UST: variants seen among roughly 807,000 people sequenced by gnomAD.
The protein encoded by UST is uronyl 2-sulfotransferase.
A neutral mutation model predicts 45.6 loss-of-function variants in UST; 21 were observed. That is an observed-to-expected ratio of 0.46 (90% CI 0.33 to 0.66). The LOEUF (loss-of-function observed/expected upper bound fraction) is 0.66. UST is among the 30% of genes least tolerant of loss of function. The pLI, the probability that UST is intolerant of heterozygous loss-of-function variation, is 0.02. For missense variants in UST, 463 were observed against 512.4 expected (o/e 0.90, Z 0.93); for synonymous variants, 215 against 200.6 (o/e 1.07, Z -0.61).
intron 1 of UST, among the ~76,000 whole-genome samples, chr6:148,776,271 T>C (rs930635328): frequency 1.3e-5 from 2 of 152,194 alleles, no homozygotes; most frequent in Admixed American, 1.3e-4. Context: ...CTGGTTCTCA[T>C]TCAGGCCCTT....
chr6:149,017,132 C>T (rs1448286465), intron 5 of UST, among the ~76,000 whole-genome samples: 1 of 152,212 alleles, frequency 6.6e-6, no homozygotes, highest in Non-Finnish European at 1.5e-5. Flanking sequence ...AATCCCAGCT[C>T]TTTGGGAGGC....
intron 2 of UST, among the ~76,000 whole-genome samples, chr6:148,935,157 T>G (rs1779995360): frequency 6.6e-6 from 1 of 152,212 alleles, no homozygotes; most frequent in Admixed American, 6.5e-5. Flanking sequence ...AGATTTCTGT[T>G]TATCTGGCAC....
Position 148,748,592 on chromosome 6 carries a change from G to T in UST, c.247+915G>T, listed in dbSNP as rs1775926541. Among the ~76,000 whole-genome samples the T allele has an allele frequency of 2.0e-5, 3 of 152,154 alleles. No homozygotes were observed. The highest frequency in any genetic ancestry group is 4.4e-5 in the Non-Finnish European group (3 of 68,032). Reference sequence around the variant, plus strand: ...GCGGGAGCCAGGGGTGCCAGGGACAGGCGAGCGCAAGCCCAGGTCGCAAGG... The same window carrying T: ...GCGGGAGCCAGGGGTGCCAGGGACATGCGAGCGCAAGCCCAGGTCGCAAGG... On this transcript the variant is annotated intron_variant, in intron 1 of 7. Coordinates refer to ENST00000367463, the MANE Select transcript of UST (RefSeq NM_005715.3). This position sits in a 1 kb window ranked among gnomAD's most constrained non-coding sequence, Gnocchi z 5.3.
chr6:148,926,868 A>G (rs1427822575), intron 2 of UST, among the ~76,000 whole-genome samples: 1 of 152,222 alleles, frequency 6.6e-6, no homozygotes, highest in Non-Finnish European at 1.5e-5. Context: ...AGTAGATATT[A>G]GGTAAGCAAC....
intron 2 of UST, among the ~76,000 whole-genome samples, chr6:148,899,149 G>T (rs1002445766): frequency 7.0e-6 from 1 of 142,336 alleles, no homozygotes. Flanking sequence ...GCCCAGGCTG[G>T]AGTGCAGTGG....
At chr6:148,988,987 A>G (rs1265336698) in intron 5 of UST, among the ~76,000 whole-genome samples, 1 of 152,158 alleles carries the variant, frequency 6.6e-6, no homozygotes, top group East Asian at 1.9e-4. Context: ...TACAGCCAGC[A>G]CCTGCTCCTT....
chr6:148,825,266 C>T (rs1247080445), intron 1 of UST, among the ~76,000 whole-genome samples: 4 of 152,044 alleles, frequency 2.6e-5, no homozygotes, highest in Admixed American at 6.6e-5. Context: ...TCTGTTATTT[C>T]GGTTGGAGGC....
chr6:148,897,157 TAC>T (rs1779146842), intron 2 of UST, among the ~76,000 whole-genome samples: 1 of 152,150 alleles, frequency 6.6e-6, no homozygotes, highest in Non-Finnish European at 1.5e-5. Flanking sequence ...ACTTTTATTT[TAC>T]TTTTAAAATT....
At chr6:148,795,973 A>G (rs559019910) in intron 1 of UST, among the ~76,000 whole-genome samples, 7 of 152,354 alleles carry the variant, frequency 4.6e-5, no homozygotes, top group African/African-American at 1.4e-4. Flanking sequence ...TTTATAGTTT[A>G]GTTAATCTTG....
At chr6:149,027,837 C>T (rs1213256232) in intron 7 of UST, 1 of 105,512 alleles carries the variant, frequency 9.5e-6, no homozygotes, top group Non-Finnish European at 1.9e-5. Flanking sequence ...TGAGTTATCC[C>T]CCCATCTTTT....
At chr6:148,786,279 G>A (rs973562672) in intron 1 of UST, among the ~76,000 whole-genome samples, 1 of 151,928 alleles carries the variant, frequency 6.6e-6, no homozygotes, top group African/African-American at 2.4e-5. Flanking sequence ...GTGCAGGTTC[G>A]TTACACAGGT....
chr6:148,946,283 G>A (rs11155608), intron 3 of UST, among the ~76,000 whole-genome samples: 53,904 of 151,796 alleles, frequency 0.36, 10,031 homozygotes, highest in South Asian at 0.46. Context: ...AGGCCGAGGC[G>A]GTGGATCACC....
chr6:148,860,707 G>C (rs1036538561), intron 1 of UST, among the ~76,000 whole-genome samples: 2 of 152,158 alleles, frequency 1.3e-5, no homozygotes, highest in African/African-American at 4.8e-5. Flanking sequence ...TAGCATGAAG[G>C]GCTGTTGAAT....
At chr6:148,922,196 G>A (rs1359308185) in intron 2 of UST, among the ~76,000 whole-genome samples, 1 of 152,072 alleles carries the variant, frequency 6.6e-6, no homozygotes, top group Non-Finnish European at 1.5e-5. Flanking sequence ...CCAATTCAAA[G>A]CATTTTTGTC....
At chr6:148,754,206 C>T (rs1330246954) in intron 1 of UST, among the ~76,000 whole-genome samples, 2 of 152,144 alleles carry the variant, frequency 1.3e-5, no homozygotes, top group East Asian at 1.9e-4. Context: ...CTGTGTTAGC[C>T]AGGATGGTCT....
chr6:148,846,363 T>C (rs1344715909), intron 1 of UST, among the ~76,000 whole-genome samples: 9 of 151,484 alleles, frequency 5.9e-5, no homozygotes, highest in African/African-American at 1.2e-4. Context: ...AACCAAACAC[T>C]GCATGTTCTC....
intron 5 of UST, among the ~76,000 whole-genome samples, chr6:148,975,224 CATA>C (rs1780993138): frequency 6.6e-6 from 1 of 152,196 alleles, no homozygotes; most frequent in African/African-American, 2.4e-5. Flanking sequence ...TTTACATTCT[CATA>C]CATTGCTTTT....
At chr6:148,798,851 G>GATTTATTTATTTATTTATTTATTT in intron 1 of UST, among the ~76,000 whole-genome samples, 1 of 149,744 alleles carries the variant, frequency 6.7e-6, no homozygotes, top group African/African-American at 2.5e-5. Flanking sequence ...GAGGAGATAG[G>GATTTATTTATTTATTTATTTATTT]ATTTATTTAT....
At chr6:148,849,203 G>A (rs1778058313) in intron 1 of UST, among the ~76,000 whole-genome samples, 1 of 152,172 alleles carries the variant, frequency 6.6e-6, no homozygotes, top group Admixed American at 6.5e-5. Context: ...AGGAAGCAAT[G>A]CTTCACCAAG....
Sources: gnomAD v4.1 joint callset for allele counts (sites outside exome capture counted in the v4.1 genomes callset) on GRCh38, gnomAD v4.1.1 for gene constraint, Gnocchi (gnomAD v3.1) non-coding constraint, MANE v1.5 for transcripts, NCBI Gene and HGNC (gene_info 2026-07-23, HGNC 2026-07-21) for gene names.